Variants in ZNF341 observed in about 807,000 individuals in gnomAD.
The protein encoded by ZNF341 is zinc finger protein 341.
ZNF341 carries 52 observed loss-of-function variants against 87.7 expected under a neutral mutation model. The observed-to-expected ratio is 0.59, with a 90% confidence interval of 0.47 to 0.75. The LOEUF (loss-of-function observed/expected upper bound fraction) is 0.75. Ranked by LOEUF, ZNF341 falls within the 30% of genes least tolerant of loss-of-function variation. ZNF341 has a pLI of 0.00. For missense variants in ZNF341, 977 were observed against 1,145.9 expected, an observed-to-expected ratio of 0.85 and a Z score of 2.13; for synonymous variants, 459 against 472.7, an observed-to-expected ratio of 0.97 and a Z score of 0.38.
intron 3 of ZNF341, among the ~76,000 whole-genome samples, chr20:33,747,963 GA>G (rs1351987845): frequency 6.6e-6 from 1 of 151,940 alleles, no homozygotes; most frequent in Admixed American, 6.6e-5. Context: ...CAAAGTGCTG[GA>G]ATTACAGGCA....
rs902603638 is a variant in ZNF341 at position 33,749,552 on chromosome 20, C to T, written c.489+480C>T. On this transcript the variant is annotated intron_variant, in intron 4 of 14. Transcript: ENST00000375200. The stretch of plus-strand genomic sequence containing the variant: ...CCTCAAGTGAGCCCCCCACCTCAGC[C>T]TCCTGAAGTGCTAGGATTACAGGTG... Among the ~76,000 whole-genome samples, 11 of 152,302 alleles carry T rather than the reference C, an allele frequency of 7.2e-5. 1 individual carries two copies. The highest frequency in any genetic ancestry group is 7.2e-4 in the Admixed American group (11 of 15,288).
intron 1 of ZNF341, among the ~76,000 whole-genome samples, chr20:33,734,758 G>A (rs1376069712): frequency 6.6e-6 from 1 of 152,034 alleles, no homozygotes; most frequent in Non-Finnish European, 1.5e-5. Context: ...AGGCTGAAGT[G>A]CAGTGGTGCA....
intron 8 of ZNF341, among the ~76,000 whole-genome samples, chr20:33,764,624 G>T (rs1457937870): frequency 2.3e-5 from 3 of 129,956 alleles, no homozygotes; most frequent in African/African-American, 8.5e-5. Flanking sequence ...CCAGGCTGGA[G>T]TGCAGTGGTG....
intron 14 of ZNF341, among the ~76,000 whole-genome samples, chr20:33,790,278 G>A (rs2019974400): frequency 6.6e-6 from 1 of 152,024 alleles, no homozygotes; most frequent in Admixed American, 6.6e-5. Context: ...TCACCATGTT[G>A]GCTAGGCTGG....
intron 6 of ZNF341, among the ~76,000 whole-genome samples, chr20:33,757,551 G>T (rs1454935556): frequency 1.3e-5 from 2 of 152,240 alleles, no homozygotes; most frequent in Non-Finnish European, 2.9e-5. Flanking sequence ...TCATGTGACT[G>T]CATGGGCACC....
intron 11 of ZNF341, among the ~76,000 whole-genome samples, chr20:33,783,293 T>G (rs142895568): frequency 6.6e-5 from 10 of 152,218 alleles, no homozygotes; most frequent in African/African-American, 2.4e-4. Flanking sequence ...AAAGCCCCTC[T>G]CTGCCTACTT....
At chr20:33,747,713 C>CTTT (rs570173400) in intron 3 of ZNF341, among the ~76,000 whole-genome samples, 1 of 125,646 alleles carries the variant, frequency 8.0e-6, no homozygotes, top group African/African-American at 3.2e-5. Context: ...CATCTCTTAC[C>CTTT]TTTTTTTTTT....
intron 5 of ZNF341, 100 bp from the exon 6 acceptor site, chr20:33,757,048 A>T: frequency 1.0e-6 from 1 of 975,004 alleles, no homozygotes; most frequent in Non-Finnish European, 1.4e-6. Context: ...TGTAGGGGAG[A>T]GCGGCTGAGG....
At chr20:33,770,616 ACAGTATTATTTTGTCT>A (rs1157351219) in intron 10 of ZNF341, among the ~76,000 whole-genome samples, 1 of 152,186 alleles carries the variant, frequency 6.6e-6, no homozygotes, top group Non-Finnish European at 1.5e-5. Flanking sequence ...AACAATTATG[ACAGTATTATTTTGTCT>A]CATAATCTAC....
At position 33,768,101 on chromosome 20, in the gene ZNF341, A is replaced by G. The variant is rs116564339; in HGVS notation, c.1413+1060A>G. On this transcript the variant is annotated intron_variant, in intron 9 of 14. Transcript: ENST00000375200. ...AGAAAGGAGTCACATGGTTGACACTAGATGCAAGGGAACCAGGATCAAGTG... is the reference window on the plus strand; with the variant it reads ...AGAAAGGAGTCACATGGTTGACACTGGATGCAAGGGAACCAGGATCAAGTG... Among the ~76,000 whole-genome samples, 1,041 of 150,288 alleles carry G rather than the reference A, an allele frequency of 6.9e-3. 13 individuals are homozygous for G. Among genetic ancestry groups the G allele is most frequent in the African/African-American group, 0.024 (991 of 40,718 alleles).
intron 7 of ZNF341, among the ~76,000 whole-genome samples, chr20:33,759,020 C>G (rs952014072): frequency 1.3e-5 from 2 of 152,170 alleles, no homozygotes; most frequent in African/African-American, 4.8e-5. Context: ...CCCATAGAGA[C>G]TGGGAAGGTC....
chr20:33,789,142 C>T, intron 13 of ZNF341, among the ~76,000 whole-genome samples, 168 bp downstream of exon 13: 1 of 150,942 alleles, frequency 6.6e-6, no homozygotes. Context: ...GTGGTAAGAT[C>T]TTGTCTCACT....
Position 33,791,698 on chromosome 20 carries a change from G to C in ZNF341, c.*181G>C. The C allele has an allele frequency of 1.5e-6, 1 of 668,940 alleles. No homozygotes were observed. The highest frequency in any genetic ancestry group is 2.6e-5 in the South Asian group (1 of 38,700). The allele number at this position is 668,940 out of a possible 1,614,324, so 41.4% of individuals were successfully genotyped here. On this transcript the variant is annotated 3_prime_UTR_variant, in exon 15 of 15. Coordinates refer to ENST00000375200, the MANE Select transcript of ZNF341 (RefSeq NM_001282933.2). ...CGCCCTCCTGTGCCCCTCTCCTGCC[G>C]GAAAGCCCTGCAACATTCTAGGGTT...
intron 10 of ZNF341, among the ~76,000 whole-genome samples, chr20:33,775,696 T>C (rs1245248774): frequency 6.6e-6 from 1 of 152,044 alleles, no homozygotes; most frequent in African/African-American, 2.4e-5. Flanking sequence ...GTCATAATTT[T>C]ATTATTGATT....
intron 1 of ZNF341, among the ~76,000 whole-genome samples, chr20:33,738,093 C>T (rs1181888621): frequency 8.0e-5 from 12 of 149,592 alleles, no homozygotes; most frequent in Non-Finnish European, 1.2e-4. Flanking sequence ...GCCAAGATTG[C>T]GCCATTGCAC....
intron 4 of ZNF341, among the ~76,000 whole-genome samples, chr20:33,750,259 G>T (rs1301253307): frequency 1.3e-5 from 2 of 152,132 alleles, no homozygotes. Flanking sequence ...ACCTGGCCAG[G>T]ATTTTTTAAT....
At chr20:33,750,856 G>A (rs761287936) in intron 4 of ZNF341, among the ~76,000 whole-genome samples, 1 of 152,140 alleles carries the variant, frequency 6.6e-6, no homozygotes, top group African/African-American at 2.4e-5. Context: ...GGCCAGGCTG[G>A]TCTTGAACTC....
chr20:33,772,969 A>T (rs2019559845), intron 10 of ZNF341, among the ~76,000 whole-genome samples: 1 of 152,166 alleles, frequency 6.6e-6, no homozygotes, highest in Non-Finnish European at 1.5e-5. Context: ...GGCAGTGATG[A>T]CTTATTCCCG....
At chr20:33,777,228 CAGA>C (rs1310207470) in intron 10 of ZNF341, among the ~76,000 whole-genome samples, 1 of 136,390 alleles carries the variant, frequency 7.3e-6, no homozygotes. Flanking sequence ...GAGGCTGAGG[CAGA>C]AGAATTGCTT....
Sources: allele counts gnomAD v4.1 joint callset (sites outside exome capture counted in the v4.1 genomes callset), GRCh38; gene constraint gnomAD v4.1.1; transcripts MANE v1.5; gene names NCBI Gene and HGNC (gene_info 2026-07-23, HGNC 2026-07-21).